The following SNTB1 variants were observed in gnomAD, a reference collection of about 807,000 sequenced individuals.
The protein encoded by SNTB1 is syntrophin beta 1.
Under a neutral mutation model 48.9 loss-of-function variants are expected in SNTB1, and 36 were observed. The observed-to-expected ratio is 0.74, with a 90% CI of 0.56 to 0.97. The LOEUF (loss-of-function observed/expected upper bound fraction) is 0.97, where lower values mean the gene tolerates loss of function less well. Among genes scored for constraint, SNTB1 ranks in the 50% least tolerant of loss-of-function variants. The pLI is 0.00. For missense variants in SNTB1, 786 were observed against 703.4 expected (o/e 1.12, Z -1.33); for synonymous variants, 299 against 294.6 (o/e 1.01, Z -0.15).
chr8:120,542,889 GTGCTCTTTTAATTT>G (rs1815315364), intron 5 of SNTB1, among the ~76,000 whole-genome samples: 2 of 152,024 alleles, frequency 1.3e-5, no homozygotes, highest in South Asian at 4.2e-4. Context: ...ATTGAGAGGG[GTGCTCTTTTAATTT>G]TGCTGATGAT....
chr8:120,772,096 T>C (rs1231547390), intron 1 of SNTB1, among the ~76,000 whole-genome samples: 1 of 152,060 alleles, frequency 6.6e-6, no homozygotes, highest in African/African-American at 2.4e-5. Context: ...TTCGAACTCC[T>C]GACCTCAAGT....
rs772635723 is a variant in SNTB1, at chr8:120,548,927, G to T, written c.1168C>A (p.Pro390Thr). 6.2e-6 allele frequency: 10 copies of T among 1,600,754 alleles called. No homozygotes were observed. Among genetic ancestry groups the T allele is most frequent in the African/African-American group, 1.3e-5 (1 of 74,666 alleles). ...LVHSGPGKGS[P>T]QAGVDLSFAT... ...AAGGACAGATCCACACCAGCCTGGGGTGATCCCTTTCCTGGACCTGAATGG... is the reference window on the plus strand; with the variant it reads ...AAGGACAGATCCACACCAGCCTGGGTTGATCCCTTTCCTGGACCTGAATGG... The change falls in exon 5 of 7, where the codon CCC (proline) becomes ACC (threonine). Residue 390 changes from proline to threonine, a missense_variant. Transcript: ENST00000517992.
intron 2 of SNTB1, among the ~76,000 whole-genome samples, chr8:120,646,017 A>G (rs1434806086): frequency 6.6e-6 from 1 of 150,552 alleles, no homozygotes; most frequent in African/African-American, 2.4e-5. Context: ...TTGATTTTGT[A>G]TCCTGAGACT....
At chr8:120,672,403 A>G (rs1397283807) in intron 2 of SNTB1, among the ~76,000 whole-genome samples, 1 of 152,260 alleles carries the variant, frequency 6.6e-6, no homozygotes, top group Non-Finnish European at 1.5e-5. Flanking sequence ...CACCAAAGAA[A>G]TAAACAAATC....
chr8:120,542,064 A>G (rs1438877743), intron 5 of SNTB1, 64 bp from the exon 6 acceptor site: 4 of 1,367,390 alleles, frequency 2.9e-6, no homozygotes, highest in Admixed American at 2.0e-5. Flanking sequence ...CATTTTCCCA[A>G]TCACTCACTT....
intron 1 of SNTB1, among the ~76,000 whole-genome samples, chr8:120,785,151 C>A (rs138794093): frequency 6.6e-6 from 1 of 152,152 alleles, no homozygotes; most frequent in Non-Finnish European, 1.5e-5. Flanking sequence ...TTAGAGAAAC[C>A]CCCAGCTGAG....
chr8:120,568,635 T>TA (rs1815791612), intron 4 of SNTB1, among the ~76,000 whole-genome samples: 1 of 152,158 alleles, frequency 6.6e-6, no homozygotes, highest in Non-Finnish European at 1.5e-5. Flanking sequence ...GAATGCAAAC[T>TA]CCCAGCTCTG....
intron 2 of SNTB1, among the ~76,000 whole-genome samples, chr8:120,665,470 A>ATAT (rs1563845924): frequency 3.9e-5 from 6 of 152,022 alleles, no homozygotes; most frequent in Admixed American, 1.3e-4. Flanking sequence ...AAATAAATAA[A>ATAT]ATATATATGT....
intron 3 of SNTB1, among the ~76,000 whole-genome samples, chr8:120,629,147 C>T (rs906935989): frequency 6.6e-6 from 1 of 152,188 alleles, no homozygotes; most frequent in Non-Finnish European, 1.5e-5. Context: ...TCTTTCTCCT[C>T]TCTTGGAGTG....
intron 3 of SNTB1, among the ~76,000 whole-genome samples, chr8:120,629,107 C>T (rs1490735941): frequency 2.0e-5 from 3 of 152,172 alleles, no homozygotes; most frequent in East Asian, 3.9e-4. Flanking sequence ...CCTGACTCCC[C>T]CAACAAGCTG....
rs935494512 is a variant in SNTB1 at position 120,747,807 on chromosome 8, A to C, written c.572-53899T>G. 5.9e-5 allele frequency among the ~76,000 whole-genome samples: 9 copies of C among 152,184 alleles called. No individual in the cohort carries two copies. In the East Asian group the frequency reaches 1.5e-3, roughly 26 times the overall value. On this transcript the variant is annotated intron_variant, in intron 1 of 6. Coordinates refer to ENST00000517992, the MANE Select transcript of SNTB1 (RefSeq NM_021021.4). ...ACCTATATAACAAACCTGCACATGCACTCATGAACTTAACATAAATTTCAA... is the reference window on the plus strand; with the variant it reads ...ACCTATATAACAAACCTGCACATGCCCTCATGAACTTAACATAAATTTCAA...
At chr8:120,634,725 C>T (rs1817044791) in intron 2 of SNTB1, among the ~76,000 whole-genome samples, 2 of 152,152 alleles carry the variant, frequency 1.3e-5, no homozygotes. Flanking sequence ...GCAACTTGGC[C>T]TTGTTAACAT....
intron 1 of SNTB1, among the ~76,000 whole-genome samples, chr8:120,788,797 G>T (rs918921259): frequency 1.3e-5 from 2 of 152,022 alleles, no homozygotes; most frequent in Non-Finnish European, 2.9e-5. Flanking sequence ...AATAGTGGAG[G>T]ACTTCAACAC....
At chr8:120,539,507 A>C (rs983761283) in intron 6 of SNTB1, among the ~76,000 whole-genome samples, 2 of 152,208 alleles carry the variant, frequency 1.3e-5, no homozygotes, top group Admixed American at 6.5e-5. Flanking sequence ...CTGTGTTGTC[A>C]CCATCCTCTA....
At chr8:120,564,823 G>A (rs181060536) in intron 4 of SNTB1, among the ~76,000 whole-genome samples, 47 of 151,690 alleles carry the variant, frequency 3.1e-4, no homozygotes, top group Admixed American at 1.7e-3. Context: ...CACCCGCCTC[G>A]GCCTCCCAAA....
chr8:120,595,584 T>C (rs57622256), intron 3 of SNTB1, among the ~76,000 whole-genome samples: 30,435 of 151,732 alleles, frequency 0.2, 3,146 homozygotes, highest in Middle Eastern at 0.3. Context: ...TTTATTCCTC[T>C]AATTTCTTTT....
rs1815206829 is a variant in SNTB1 at position 120,536,598 on chromosome 8, T to A, written c.*2279A>T. On this transcript the variant is annotated 3_prime_UTR_variant, in exon 7 of 7. Transcript: ENST00000517992. ...TGATTCATATACACAATTATCTTAG[T>A]CAAATTTTCTATTTCTTGCTAATAA... 6.6e-6 allele frequency: 1 copy of A among 152,186 alleles called. No homozygotes were observed. The highest frequency in any genetic ancestry group is 1.5e-5 in the Non-Finnish European group (1 of 68,006). 9.4% of individuals were successfully genotyped at this position (152,186 alleles called of 1,614,324 possible).
chr8:120,645,238 C>T (rs969507597), intron 2 of SNTB1, among the ~76,000 whole-genome samples: 2 of 152,138 alleles, frequency 1.3e-5, no homozygotes, highest in African/African-American at 4.8e-5. Context: ...AATCCTTGCC[C>T]ATGCCTATGT....
intron 3 of SNTB1, among the ~76,000 whole-genome samples, chr8:120,584,461 A>AAAAT (rs1703673484): frequency 3.0e-5 from 3 of 100,296 alleles, no homozygotes; most frequent in South Asian, 3.4e-4. Context: ...AAAAAAAAAA[A>AAAAT]GTGTAGTAAT....
Sources: allele counts gnomAD v4.1 joint callset (sites outside exome capture counted in the v4.1 genomes callset), GRCh38; gene constraint gnomAD v4.1.1; transcripts MANE v1.5; gene names NCBI Gene and HGNC (gene_info 2026-07-23, HGNC 2026-07-21).